The following ZEB1 variants were observed in gnomAD, a reference collection of about 807,000 sequenced individuals.
ZEB1 encodes the protein zinc finger E-box-binding homeobox 1.
ZEB1 carries 21 observed loss-of-function variants against 84.9 expected under a neutral mutation model. That is an observed-to-expected ratio of 0.25 (90% CI 0.18 to 0.36). The LOEUF (loss-of-function observed/expected upper bound fraction) is 0.36, where lower values mean the gene tolerates loss of function less well. Among genes scored for constraint, ZEB1 ranks in the 10% least tolerant of loss-of-function variants. The pLI is 1.00. For missense variants in ZEB1, 1,104 were observed against 1,330.2 expected, an observed-to-expected ratio of 0.83 and a Z score of 2.65; for synonymous variants, 420 against 471.1, an observed-to-expected ratio of 0.89 and a Z score of 1.41.
intron 1 of ZEB1, among the ~76,000 whole-genome samples, chr10:31,402,244 G>A (rs1217079534): frequency 6.6e-6 from 1 of 151,980 alleles, no homozygotes; most frequent in Non-Finnish European, 1.5e-5. Context: ...GAACAGAAAA[G>A]AAAGTATAAA....
chr10:31,319,525 T>G, intron 1 of ZEB1: 1 of 529,908 alleles, frequency 1.9e-6, no homozygotes, highest in Non-Finnish European at 3.3e-6. Context: ...CTGGTCTCTC[T>G]CCGCCTAGCG....
intron 2 of ZEB1, among the ~76,000 whole-genome samples, chr10:31,462,305 T>G (rs900435379): frequency 1.6e-4 from 24 of 152,228 alleles, no homozygotes; most frequent in Admixed American, 5.9e-4. Flanking sequence ...TTTTATAGTG[T>G]TGTTCATTTG....
At chr10:31,330,509 A>G (rs1218672924) in intron 1 of ZEB1, among the ~76,000 whole-genome samples, 1 of 152,168 alleles carries the variant, frequency 6.6e-6, no homozygotes, top group African/African-American at 2.4e-5. Flanking sequence ...CTTATTTCCT[A>G]CAAGGTTTTA....
rs537992275 is a variant in ZEB1, at chr10:31,494,650, T to C, written c.260-1126T>C. ...CTATTTCGGTGTGACTGTATAAGTA[T>C]TCTGATCATAATTATGACATATACT... On this transcript the variant is annotated intron_variant, in intron 2 of 8. Coordinates refer to ENST00000424869, the MANE Select transcript of ZEB1 (RefSeq NM_001174096.2). Among the ~76,000 whole-genome samples, 7 of 152,150 alleles carry C rather than the reference T, an allele frequency of 4.6e-5. No homozygotes were observed. In the South Asian group the frequency reaches 1.2e-3, roughly 27 times the overall value.
chr10:31,398,052 C>CT (rs1395983404), intron 1 of ZEB1, among the ~76,000 whole-genome samples: 1 of 152,108 alleles, frequency 6.6e-6, no homozygotes, highest in African/African-American at 2.4e-5. Context: ...AAAGTGTGGA[C>CT]TTAGTAATCT....
At chr10:31,326,265 C>T (rs1206599110) in intron 1 of ZEB1, among the ~76,000 whole-genome samples, 1 of 152,130 alleles carries the variant, frequency 6.6e-6, no homozygotes, top group Non-Finnish European at 1.5e-5. Context: ...CTCAGGGTAA[C>T]CTTGCTCTGC....
Position 31,528,357 on chromosome 10 carries a change from C to T in ZEB1, c.*1093C>T, listed in dbSNP as rs548046079. The T allele has an allele frequency of 2.4e-4, 36 of 152,308 alleles. No homozygotes were observed. The highest frequency in any genetic ancestry group is 8.4e-4 in the African/African-American group (35 of 41,568). 9.4% of individuals were successfully genotyped at this position (152,308 alleles called of 1,614,324 possible). ...TTGATTGATTTTCAGAATTTCTCTA[C>T]AGAAACGAAAGGGAAATTTTCTAAT... On this transcript the variant is annotated 3_prime_UTR_variant, in exon 9 of 9. Transcript: ENST00000424869.
chr10:31,516,044 G>C (rs916635062), intron 6 of ZEB1, among the ~76,000 whole-genome samples: 1 of 152,006 alleles, frequency 6.6e-6, no homozygotes, highest in Non-Finnish European at 1.5e-5. Context: ...AGATTTATCA[G>C]ATCTATAAAT....
At chr10:31,328,991 C>A (rs1439618704) in intron 1 of ZEB1, among the ~76,000 whole-genome samples, 4 of 150,962 alleles carry the variant, frequency 2.6e-5, no homozygotes, top group Non-Finnish European at 5.9e-5. Context: ...AAAACCATAC[C>A]CTGGTGTGTG....
chr10:31,510,160 TAGTG>T (rs1346818611), intron 4 of ZEB1, among the ~76,000 whole-genome samples: 3 of 152,140 alleles, frequency 2.0e-5, no homozygotes, highest in Admixed American at 2.0e-4. Context: ...CTTGGAAACA[TAGTG>T]TGTGTGTACT....
intron 1 of ZEB1, among the ~76,000 whole-genome samples, chr10:31,435,879 A>G (rs1405931006): frequency 6.6e-6 from 1 of 152,176 alleles, no homozygotes; most frequent in East Asian, 1.9e-4. Flanking sequence ...ATGACATGGT[A>G]TTGTAGTCCT....
chr10:31,429,231 C>T (rs1030367594), intron 1 of ZEB1, among the ~76,000 whole-genome samples: 10 of 151,968 alleles, frequency 6.6e-5, no homozygotes, highest in African/African-American at 1.9e-4. Context: ...TTAATGTTTC[C>T]TTTAGGAGCT....
intron 1 of ZEB1, among the ~76,000 whole-genome samples, chr10:31,436,937 T>G (rs161269): frequency 0.079 from 11,975 of 152,254 alleles, 675 homozygotes; most frequent in African/African-American, 0.16. Flanking sequence ...TTGCATGATC[T>G]TCTGCTTTAT....
intron 3 of ZEB1, among the ~76,000 whole-genome samples, chr10:31,501,742 T>C (rs2068168992): frequency 6.6e-6 from 1 of 152,190 alleles, no homozygotes; most frequent in Admixed American, 6.6e-5. Context: ...GTTTAATTTA[T>C]AAATTTTATA....
At chr10:31,440,435 T>C (rs569499654) in intron 1 of ZEB1, among the ~76,000 whole-genome samples, 13 of 152,102 alleles carry the variant, frequency 8.5e-5, no homozygotes, top group South Asian at 8.3e-4. Context: ...TTATGACAAA[T>C]CCACAACCAA....
chr10:31,357,688 T>C (rs1168651047), intron 1 of ZEB1, among the ~76,000 whole-genome samples: 1 of 152,124 alleles, frequency 6.6e-6, no homozygotes, highest in African/African-American at 2.4e-5. Context: ...AAATAGAACT[T>C]GGCAATTGTT....
chr10:31,408,140 C>A (rs1406063214), intron 1 of ZEB1, among the ~76,000 whole-genome samples: 1 of 151,616 alleles, frequency 6.6e-6, no homozygotes, highest in Non-Finnish European at 1.5e-5. Flanking sequence ...AACTCCCATT[C>A]ACAATTGCTT....
intron 1 of ZEB1, among the ~76,000 whole-genome samples, chr10:31,346,464 A>G (rs2040328114): frequency 6.6e-6 from 1 of 152,184 alleles, no homozygotes; most frequent in South Asian, 2.1e-4. Context: ...GTGTTTTAGT[A>G]GTTGCCCTTA....
chr10:31,442,966 T>C (rs1392827831), intron 1 of ZEB1, among the ~76,000 whole-genome samples: 2 of 152,066 alleles, frequency 1.3e-5, no homozygotes, highest in Non-Finnish European at 2.9e-5. Flanking sequence ...CCAAAAAGCT[T>C]TGAAGTATAG....
Sources: allele counts gnomAD v4.1 joint callset (sites outside exome capture counted in the v4.1 genomes callset), GRCh38; gene constraint gnomAD v4.1.1; transcripts MANE v1.5; gene names NCBI Gene and HGNC (gene_info 2026-07-23, HGNC 2026-07-21).